Variants in GLTP observed in about 807,000 individuals in gnomAD.
The protein encoded by GLTP is glycolipid transfer protein.
Under a neutral mutation model 24.0 loss-of-function variants are expected in GLTP, and 22 were observed. The ratio of observed to expected loss-of-function variants is 0.92; its 90% CI spans 0.65 to 1.31. GLTP has a LOEUF of 1.31. Ranked by LOEUF, GLTP falls within the 50% of genes most tolerant of loss-of-function variation. The probability of loss-of-function intolerance (pLI) is 0.00; values close to 1 mark genes in which losing one functional copy is unlikely to be tolerated. For synonymous variants in GLTP, 92 were observed against 115.9 expected (o/e 0.79, Z 1.33); for missense variants, 224 against 276.6 (o/e 0.81, Z 1.35).
intron 4 of GLTP, among the ~76,000 whole-genome samples, chr12:109,853,627 G>T (rs1892756167): frequency 6.6e-6 from 1 of 150,754 alleles, no homozygotes; most frequent in Non-Finnish European, 1.5e-5. Context: ...GGCAGAGGTT[G>T]CAGTGAGCTG....
chr12:109,871,231 C>A (rs569493881), intron 1 of GLTP, among the ~76,000 whole-genome samples: 1 of 151,798 alleles, frequency 6.6e-6, no homozygotes, highest in African/African-American at 2.4e-5. Context: ...TACAGGATTG[C>A]GCCACCACAC....
intron 1 of GLTP, among the ~76,000 whole-genome samples, chr12:109,869,635 T>G (rs1400969108): frequency 6.6e-6 from 1 of 150,414 alleles, no homozygotes; most frequent in Admixed American, 6.7e-5. Context: ...TTTTTTTTTT[T>G]GTTTTTTTGT....
intron 1 of GLTP, among the ~76,000 whole-genome samples, chr12:109,865,965 T>C (rs1321448926): frequency 1.3e-5 from 2 of 152,084 alleles, no homozygotes; most frequent in Non-Finnish European, 2.9e-5. Context: ...AAACCTCCTA[T>C]ATGGGGGAGA....
At position 109,858,682 on chromosome 12, in the gene GLTP, C is replaced by A. The variant is rs911716832; in HGVS notation, c.162+1G>T. 12 of 1,611,284 alleles carry A rather than the reference C, an allele frequency of 7.4e-6. No homozygotes were observed. Among genetic ancestry groups the A allele is most frequent in the Non-Finnish European group, 1.0e-5 (12 of 1,177,552 alleles). On this transcript the variant is annotated splice_donor_variant, in intron 2 of 4. Transcript: ENST00000318348. LOFTEE classifies it high-confidence loss of function. ...CTGTGGCTGCCCGGCCAGGTACATA[C>A]CGTGATGTTGCCGCTTATGTCTGCC...
At chr12:109,853,637 G>C (rs914109521) in intron 4 of GLTP, among the ~76,000 whole-genome samples, 1 of 149,686 alleles carries the variant, frequency 6.7e-6, no homozygotes, top group African/African-American at 2.5e-5. Flanking sequence ...GCAGTGAGCT[G>C]AGATCACGCC....
Position 109,855,566 on chromosome 12 carries a change from G to C in GLTP, c.447+53C>G. 6.8e-7 allele frequency: 1 copy of C among 1,478,920 alleles called. No individual in the cohort carries two copies. Among genetic ancestry groups the C allele is most frequent in the African/African-American group, 1.4e-5 (1 of 70,652 alleles). The allele number at this position is 1,478,920 out of a possible 1,614,324, so 91.6% of individuals were successfully genotyped here. On this transcript the variant is annotated intron_variant, in intron 4 of 4. Coordinates refer to ENST00000318348, the MANE Select transcript of GLTP (RefSeq NM_016433.4). This position sits in a 1 kb window ranked among gnomAD's most constrained non-coding sequence, Gnocchi z 4.1. ...GCCTCGGCTAAGCAGGGGCAGAGTGGGGAGCAGAATCTGCAAGCTGGTGGT... is the reference window on the plus strand; with the variant it reads ...GCCTCGGCTAAGCAGGGGCAGAGTGCGGAGCAGAATCTGCAAGCTGGTGGT...
At chr12:109,869,314 AAAAAAAG>A (rs1255582082) in intron 1 of GLTP, among the ~76,000 whole-genome samples, 1 of 148,304 alleles carries the variant, frequency 6.7e-6, no homozygotes, top group Non-Finnish European at 1.5e-5. Context: ...AAAAAAAAAA[AAAAAAAG>A]AAAGAAAGAA....
At chr12:109,870,981 T>C (rs1868702133) in intron 1 of GLTP, among the ~76,000 whole-genome samples, 1 of 151,390 alleles carries the variant, frequency 6.6e-6, no homozygotes, top group Non-Finnish European at 1.5e-5. Flanking sequence ...GGCCTCCATA[T>C]AAGTACCACT....
At chr12:109,856,782 G>A (rs1331833677) in intron 3 of GLTP, among the ~76,000 whole-genome samples, 6 of 152,176 alleles carry the variant, frequency 3.9e-5, no homozygotes, top group Non-Finnish European at 5.9e-5. Flanking sequence ...CCTCACGGCC[G>A]GGCACGGTGC....
At chr12:109,870,558 C>T (rs1184702566) in intron 1 of GLTP, among the ~76,000 whole-genome samples, 1 of 152,062 alleles carries the variant, frequency 6.6e-6, no homozygotes, top group African/African-American at 2.4e-5. Context: ...CATCACCTTT[C>T]CCAACAGACA....
chr12:109,866,062 TA>T (rs1298867159), intron 1 of GLTP, among the ~76,000 whole-genome samples: 3 of 152,076 alleles, frequency 2.0e-5, no homozygotes, highest in Non-Finnish European at 4.4e-5. Flanking sequence ...GAAAAAAGGC[TA>T]ATATCCCTAA....
intron 1 of GLTP, among the ~76,000 whole-genome samples, chr12:109,875,010 G>T (rs938470661): frequency 6.6e-6 from 1 of 152,034 alleles, no homozygotes; most frequent in Non-Finnish European, 1.5e-5. Context: ...TGATCTGCCC[G>T]CCTCAGCCTC....
At position 109,854,365 on chromosome 12, in the gene GLTP, C is replaced by CAAA. The variant is rs34720686; in HGVS notation, c.447+1251_447+1253dup. The stretch of plus-strand genomic sequence containing the variant: ...ACAGCGACAGAGTGAGACCCTGTCT[C>CAAA]AAAAAAAAAAAAAAAAAAAAAGTAA... On this transcript the variant is annotated intron_variant, in intron 4 of 4. Transcript: ENST00000318348. Among the ~76,000 whole-genome samples the CAAA allele has an allele frequency of 5.8e-4, 57 of 97,452 alleles. 1 individual carries two copies. Among genetic ancestry groups the CAAA allele is most frequent in the Middle Eastern group, 0.011 (2 of 178 alleles). 63.9% of individuals were successfully genotyped at this position (97,452 alleles called of 152,430 possible). A position where few individuals can be genotyped will look rare whatever the true frequency, so the allele number is the denominator to read the frequency against.
At chr12:109,876,830 A>T (rs57459638) in intron 1 of GLTP, among the ~76,000 whole-genome samples, 4,669 of 152,224 alleles carry the variant, frequency 0.031, 242 homozygotes, top group African/African-American at 0.11. Flanking sequence ...ATGAGCAAGA[A>T]ATAGGCTTTA....
rs1160015502 is a variant in GLTP at position 109,855,340 on chromosome 12, G to T, written c.447+279C>A. Among the ~76,000 whole-genome samples the T allele has an allele frequency of 2.0e-5, 3 of 152,192 alleles. No homozygotes were observed. The highest frequency in any genetic ancestry group is 4.4e-5 in the Non-Finnish European group (3 of 68,028). On this transcript the variant is annotated intron_variant, in intron 4 of 4. Coordinates refer to ENST00000318348, the MANE Select transcript of GLTP (RefSeq NM_016433.4). This position sits in a 1 kb window ranked among gnomAD's most constrained non-coding sequence, Gnocchi z 4.1. Reference sequence around the variant, plus strand: ...TCCAGGGCTTTCCCTGTGGTTTCTCGTCGCCCCACCATCAGGCCTTGCAGG... The same window carrying T: ...TCCAGGGCTTTCCCTGTGGTTTCTCTTCGCCCCACCATCAGGCCTTGCAGG...
chr12:109,879,976 T>C (rs539352458), intron 1 of GLTP, among the ~76,000 whole-genome samples: 6 of 151,664 alleles, frequency 4.0e-5, no homozygotes, highest in African/African-American at 1.2e-4. Context: ...ATCATCCGTG[T>C]TGGGGGCACG....
chr12:109,855,419 G>A lies in GLTP; in HGVS notation c.447+200C>T, dbSNP rs1892781166. 6.6e-6 allele frequency among the ~76,000 whole-genome samples: 1 copy of A among 152,198 alleles called. No individual in the cohort carries two copies. Among genetic ancestry groups the A allele is most frequent in the Non-Finnish European group, 1.5e-5 (1 of 68,044 alleles). On this transcript the variant is annotated intron_variant, in intron 4 of 4. Transcript: ENST00000318348. The surrounding 1 kb of genome is among the most constrained non-coding windows in gnomAD (Gnocchi z 4.1). ...AGTAGCTACAGTGACACCCGCTGCA[G>A]CTGTGAATGGGGCTGGCCAAGGGCA...
chr12:109,859,605 T>G (rs61940879), intron 1 of GLTP, among the ~76,000 whole-genome samples: 1 of 31,522 alleles, frequency 3.2e-5, no homozygotes, highest in Non-Finnish European at 7.3e-5. Context: ...ACAAAAAAGA[T>G]TTTTTTTAAA....
At position 109,880,190 on chromosome 12, in the gene GLTP, GA is replaced by G. The variant is rs1869027262; in HGVS notation, c.103+81del. On this transcript the variant is annotated intron_variant, in intron 1 of 4. Coordinates refer to ENST00000318348, the MANE Select transcript of GLTP (RefSeq NM_016433.4). This position sits in a 1 kb window ranked among gnomAD's most constrained non-coding sequence, Gnocchi z 5.1. ...AGTACTTAGGGGTGTCTAGGGCAGA[GA>G]TGGTTAGGGGATGCTCGGGGGAAGG... The G allele has an allele frequency of 2.5e-6, 2 of 800,990 alleles. No individual in the cohort carries two copies. Among genetic ancestry groups the G allele is most frequent in the African/African-American group, 1.7e-5 (1 of 57,630 alleles). 49.6% of individuals were successfully genotyped at this position (800,990 alleles called of 1,614,324 possible).
Sources: allele counts gnomAD v4.1 joint callset (sites outside exome capture counted in the v4.1 genomes callset), GRCh38; gene constraint gnomAD v4.1.1; non-coding constraint Gnocchi (gnomAD v3.1); transcripts MANE v1.5; gene names NCBI Gene and HGNC (gene_info 2026-07-23, HGNC 2026-07-21).